The following IBTK variants were observed in gnomAD, a reference collection of about 807,000 sequenced individuals.
IBTK encodes inhibitor of Bruton tyrosine kinase.
A neutral mutation model predicts 154.9 loss-of-function variants in IBTK; 83 were observed. The observed-to-expected ratio is 0.54, with a 90% CI of 0.45 to 0.64. The LOEUF (loss-of-function observed/expected upper bound fraction) is 0.64, where lower values mean the gene tolerates loss of function less well. Ranked by LOEUF, IBTK falls within the 30% of genes least tolerant of loss-of-function variation. The probability of loss-of-function intolerance (pLI) is 0.00; values close to 1 mark genes in which losing one functional copy is unlikely to be tolerated. For missense variants in IBTK, 1,332 were observed against 1,584.6 expected, an observed-to-expected ratio of 0.84 and a Z score of 2.71; for synonymous variants, 515 against 536.1, an observed-to-expected ratio of 0.96 and a Z score of 0.54.
rs1478202751 is a variant in IBTK at position 82,194,503 on chromosome 6, G to A, written c.3314C>T (p.Ala1105Val). The A allele has an allele frequency of 8.8e-6, 14 of 1,584,304 alleles. No homozygotes were observed. In the South Asian group the frequency reaches 1.3e-4, roughly 15 times the overall value. ...PSNRIDTTSS[A>V]SWVAGSFSPV... ...CCTGAAAGAACCAGCAACCCAACTG[G>A]CAGAGCTGGTAGTATCAATTCTGTT... Residue 1105 changes from alanine to valine, a missense_variant, in exon 23 of 29, where the codon GCC becomes GTC. Ala to Val is a moderately conservative substitution (Grantham distance 64, BLOSUM62 0). This residue lies in a region of IBTK where 1,134 missense variants were observed against 1,274.7 expected (regional missense o/e 0.89). Transcript: ENST00000306270.
chr6:82,213,331 T>A (rs1317250124), intron 12 of IBTK, among the ~76,000 whole-genome samples: 2 of 152,004 alleles, frequency 1.3e-5, no homozygotes, highest in Non-Finnish European at 2.9e-5. Context: ...GCCCGGCCCC[T>A]TCATTATTTT....
Position 82,236,813 on chromosome 6 carries a change from T to C in IBTK, c.322-2558A>G, listed in dbSNP as rs78363006. ...ACACCTATCACTGCACCCCTTCCAATTAAAGAAGTGTTGGAAGGTCAAAGT... is the reference window on the plus strand; with the variant it reads ...ACACCTATCACTGCACCCCTTCCAACTAAAGAAGTGTTGGAAGGTCAAAGT... On this transcript the variant is annotated intron_variant, in intron 2 of 28. Coordinates refer to ENST00000306270, the MANE Select transcript of IBTK (RefSeq NM_015525.4). 9.5e-3 allele frequency among the ~76,000 whole-genome samples: 1,438 copies of C among 152,150 alleles called. 58 individuals are homozygous for C. The East Asian group carries it at 0.14, about 14-fold the overall frequency.
At chr6:82,221,169 C>T (rs1449431954) in intron 8 of IBTK, among the ~76,000 whole-genome samples, 3 of 151,948 alleles carry the variant, frequency 2.0e-5, no homozygotes, top group Admixed American at 6.6e-5. Context: ...TCTACTAAGA[C>T]GAAAATCAGC....
At chr6:82,245,657 G>A (rs936621700) in intron 1 of IBTK, among the ~76,000 whole-genome samples, 3 of 152,038 alleles carry the variant, frequency 2.0e-5, no homozygotes, top group African/African-American at 4.8e-5. Context: ...GAATCATCTT[G>A]GTCCATTCCA....
chr6:82,187,468 A>C (rs1004920936), intron 25 of IBTK, among the ~76,000 whole-genome samples: 3 of 152,212 alleles, frequency 2.0e-5, no homozygotes, highest in Non-Finnish European at 4.4e-5. Context: ...CTGAAATCCT[A>C]AAGTGTACAG....
chr6:82,190,166 A>G (rs1768708287), intron 25 of IBTK, among the ~76,000 whole-genome samples: 1 of 152,186 alleles, frequency 6.6e-6, no homozygotes, highest in Admixed American at 6.5e-5. Context: ...AATAGCCCTA[A>G]CAAGCACTGA....
At chr6:82,193,065 T>C (rs1400499007) in intron 23 of IBTK, among the ~76,000 whole-genome samples, 1 of 148,176 alleles carries the variant, frequency 6.7e-6, no homozygotes, top group Non-Finnish European at 1.5e-5. Context: ...GCCACCGCAC[T>C]CCAGCCTGGG....
intron 25 of IBTK, among the ~76,000 whole-genome samples, chr6:82,189,333 A>T (rs1365996033): frequency 2.0e-5 from 3 of 152,180 alleles, no homozygotes; most frequent in African/African-American, 7.2e-5. Context: ...GAGGTAACAT[A>T]AGAAGATTTA....
intron 6 of IBTK, among the ~76,000 whole-genome samples, chr6:82,225,076 G>C (rs761301095): frequency 2.0e-5 from 3 of 151,694 alleles, no homozygotes; most frequent in Non-Finnish European, 2.9e-5. Context: ...GAGGTGGGCA[G>C]ATCACCTGAG....
At chr6:82,237,449 G>GAAAAAA (rs1770758185) in intron 2 of IBTK, among the ~76,000 whole-genome samples, 1 of 150,498 alleles carries the variant, frequency 6.6e-6, no homozygotes, top group Non-Finnish European at 1.5e-5. Context: ...TCCCTGGGGG[G>GAAAAAA]GAAAAAAAAA....
intron 25 of IBTK, among the ~76,000 whole-genome samples, chr6:82,185,195 A>AC (rs1442190646): frequency 6.6e-6 from 1 of 151,398 alleles, no homozygotes; most frequent in Admixed American, 6.6e-5. Context: ...AAAAAAAAAA[A>AC]AAAAAAAAAA....
intron 7 of IBTK, 55 bp downstream of exon 7, chr6:82,224,013 A>T: frequency 1.0e-6 from 1 of 959,064 alleles, no homozygotes; most frequent in Non-Finnish European, 1.6e-6. Context: ...AAGAAAAGAT[A>T]ATTTTTTAAA....
intron 1 of IBTK, 124 bp from the exon 2 acceptor site, chr6:82,240,967 TAC>T (rs1770925495): frequency 7.6e-6 from 3 of 394,554 alleles, no homozygotes; most frequent in Non-Finnish European, 1.3e-5. Flanking sequence ...AGTGTTCCAT[TAC>T]TGGAACACTA....
chr6:82,211,603 C>A, intron 13 of IBTK, 31 bp from the exon 14 acceptor site: 1 of 1,539,522 alleles, frequency 6.5e-7, no homozygotes, highest in Non-Finnish European at 9.0e-7. Context: ...GAAGCAAGAG[C>A]AATTTCTTTA....
rs112047503 is a variant in IBTK, at chr6:82,214,841, A to G, written c.1602-12T>C. Reference sequence around the variant, plus strand: ...GAATTTCATAAAGGCTAGAAAGAAGACAAAAACAAATTATGCTTCAAAAAA... The same window carrying G: ...GAATTTCATAAAGGCTAGAAAGAAGGCAAAAACAAATTATGCTTCAAAAAA... On this transcript the variant is annotated splice_polypyrimidine_tract_variant and intron_variant, in intron 11 of 28. Transcript: ENST00000306270. The G allele has an allele frequency of 6.5e-7, 1 of 1,531,414 alleles. No homozygotes were observed. Among genetic ancestry groups the G allele is most frequent in the Non-Finnish European group, 8.8e-7 (1 of 1,139,716 alleles). 94.9% of individuals were successfully genotyped at this position (1,531,414 alleles called of 1,614,324 possible). A position where few individuals can be genotyped will look rare whatever the true frequency, so the allele number is the denominator to read the frequency against.
rs746138830 is a variant in IBTK at position 82,227,224 on chromosome 6, G to T, written c.622C>A (p.Arg208=). 6.2e-7 allele frequency: 1 copy of T among 1,611,644 alleles called. No homozygotes were observed. Among genetic ancestry groups the T allele is most frequent in the Non-Finnish European group, 8.5e-7 (1 of 1,178,632 alleles). ...GTCTGTTCATCTCCATGTCCTAATC[G>T]CCCTCCAGGACCATGACCACAGGTA... ...VYTCGHGPGG[R]LGHGDEQTCL... is the part of the protein sequence containing the mutation. Residue 208 remains arginine, a synonymous_variant, in exon 5 of 29, where the codon CGA becomes AGA. Coordinates refer to ENST00000306270, the MANE Select transcript of IBTK (RefSeq NM_015525.4).
chr6:82,194,973 T>A (rs998075014), intron 22 of IBTK, among the ~76,000 whole-genome samples: 1 of 152,160 alleles, frequency 6.6e-6, no homozygotes, highest in Non-Finnish European at 1.5e-5. Context: ...AAAATTAATA[T>A]CCATGGCTTG....
At chr6:82,193,742 C>A (rs1042519780) in intron 23 of IBTK, among the ~76,000 whole-genome samples, 3 of 151,982 alleles carry the variant, frequency 2.0e-5, no homozygotes, top group South Asian at 2.1e-4. Context: ...AGTGCAGTGG[C>A]GCGATCTGGG....
In IBTK at chr6:82,191,183, C is replaced by T. The variant is rs376207803; in HGVS notation, c.3465G>A (p.Gln1155=). Residue 1155 remains glutamine (Q), a synonymous_variant, in exon 25 of 29, where the codon CAG becomes CAA. Transcript: ENST00000306270. ...TCAATGCAATCATTTTTCGTTGCTT[C>T]TGAGAAAGTTTAACTCCATGAGAAA... ...KTVSHGVKLS[Q]KQRKMIALTT... 23 of 1,609,490 alleles carry T rather than the reference C, an allele frequency of 1.4e-5. No individual in the cohort carries two copies. The highest frequency in any genetic ancestry group is 3.3e-5 in the South Asian group (3 of 90,110).
Sources: gnomAD v4.1 joint callset for allele counts (sites outside exome capture counted in the v4.1 genomes callset) on GRCh38, gnomAD v4.1.1 for gene constraint, gnomAD v4.1.1 regional missense constraint, MANE v1.5 for transcripts, NCBI Gene and HGNC (gene_info 2026-07-23, HGNC 2026-07-21) for gene names.